ALOX15B: variants seen among roughly 807,000 people sequenced by gnomAD.
ALOX15B encodes the protein polyunsaturated fatty acid lipoxygenase ALOX15B.
Under a neutral mutation model 73.8 loss-of-function variants are expected in ALOX15B, and 74 were observed. The observed-to-expected ratio is 1.00, with a 90% CI of 0.83 to 1.22. The LOEUF (loss-of-function observed/expected upper bound fraction) is 1.22, where lower values mean the gene tolerates loss of function less well. Ranked by LOEUF, ALOX15B falls within the 50% of genes most tolerant of loss-of-function variation. ALOX15B has a pLI of 0.00. For synonymous variants in ALOX15B, 353 were observed against 357.2 expected, an observed-to-expected ratio of 0.99 and a Z score of 0.13; for missense variants, 896 against 859.9, an observed-to-expected ratio of 1.04 and a Z score of -0.52.
At chr17:8,039,758 G>A (rs974104385) in intron 2 of ALOX15B, 144 bp from the exon 3 acceptor site, 14 of 1,181,406 alleles carry the variant, frequency 1.2e-5, no homozygotes, top group African/African-American at 9.2e-5. Flanking sequence ...CTTGGGGAGC[G>A]GGAGGTAGCA....
At chr17:8,044,685 G>C (rs1476206879) in intron 5 of ALOX15B, 144 bp from the exon 6 acceptor site, 14 of 686,548 alleles carry the variant, frequency 2.0e-5, no homozygotes, top group Non-Finnish European at 2.4e-6. Flanking sequence ...TGAAGACAAG[G>C]GGCAGGGGAG....
chr17:8,048,157 A>G (rs1598167935), intron 13 of ALOX15B, among the ~76,000 whole-genome samples: 1 of 152,214 alleles, frequency 6.6e-6, no homozygotes, highest in East Asian at 1.9e-4. Context: ...GAAATTCCGA[A>G]TTGAGCTTTC....
chr17:8,042,578 C>T, intron 4 of ALOX15B, 87 bp downstream of exon 4: 1 of 1,542,586 alleles, frequency 6.5e-7, no homozygotes, highest in South Asian at 1.2e-5. Flanking sequence ...TTCCCCCACC[C>T]TCAGTGATAT....
chr17:8,045,426 A>C (rs748975748), intron 7 of ALOX15B, 42 bp downstream of exon 7: 138 of 1,613,630 alleles, frequency 8.6e-5, no homozygotes, highest in Non-Finnish European at 1.1e-4. Flanking sequence ...AAGAAGAGTC[A>C]GGAGAATGGT....
chr17:8,045,875 C>G (rs1187564044), intron 8 of ALOX15B, among the ~76,000 whole-genome samples, 189 bp downstream of exon 8: 2 of 152,148 alleles, frequency 1.3e-5, no homozygotes, highest in Non-Finnish European at 2.9e-5. Context: ...AAATGCAGCA[C>G]CCCAGAAAGG....
intron 3 of ALOX15B, among the ~76,000 whole-genome samples, chr17:8,040,662 G>A (rs4417599): frequency 0.054 from 6,770 of 124,976 alleles, 253 homozygotes; most frequent in East Asian, 0.17. Context: ...AAAAGAAAGA[G>A]AAAGAAACTG....
rs925540339 is a variant in ALOX15B, at chr17:8,045,603, C to T, written c.1117C>T (p.His373Tyr). The T allele has an allele frequency of 6.2e-7, 1 of 1,614,238 alleles. No homozygotes were observed. Among genetic ancestry groups the T allele is most frequent in the Non-Finnish European group, 8.5e-7 (1 of 1,180,034 alleles). The change falls in exon 8 of 14, where the codon CAC becomes TAC. Residue 373 changes from histidine (H) to tyrosine (Y), a missense_variant. His to Tyr is a moderately conservative substitution (Grantham distance 83, BLOSUM62 2). Transcript: ENST00000380183. The part of the protein sequence containing the change: ...AEFSFHEALT[H>Y]LLHSHLLPEV... The stretch of plus-strand genomic sequence containing the variant: ...GTTCTCCTTCCATGAGGCCCTCACG[C>T]ACCTGCTGCACTCACATCTGCTGCC...
chr17:8,041,771 C>G (rs977949463), intron 3 of ALOX15B, among the ~76,000 whole-genome samples: 7 of 152,314 alleles, frequency 4.6e-5, no homozygotes, highest in Admixed American at 2.0e-4. Flanking sequence ...GGGCGGCTCC[C>G]CCTAAACTAT....
rs1447037098 is a variant in ALOX15B at position 8,039,103 on chromosome 17, A to G, written c.-53A>G. 2.6e-6 allele frequency: 4 copies of G among 1,568,350 alleles called. No individual in the cohort carries two copies. The African/African-American group carries it at 4.2e-5, about 16-fold the overall frequency. On this transcript the variant is annotated 5_prime_UTR_variant, in exon 1 of 14. Transcript: ENST00000380183. ...AATAACCAGGCGTGTCCCAGGGGGGAGCCCCGCTCTGCAGCCCTGTGCGCC... is the reference window on the plus strand; with the variant it reads ...AATAACCAGGCGTGTCCCAGGGGGGGGCCCCGCTCTGCAGCCCTGTGCGCC...
At position 8,047,660 on chromosome 17, in the gene ALOX15B, G is replaced by C. The variant is rs764742143; in HGVS notation, c.1676G>C (p.Gly559Ala). Residue 559 changes from glycine to alanine, a missense_variant, in exon 12 of 14, where the codon GGG (glycine) becomes GCG (alanine). By Grantham distance (60) the Gly-to-Ala change is moderately conservative (BLOSUM62 0). Coordinates refer to ENST00000380183, the MANE Select transcript of ALOX15B (RefSeq NM_001141.3). ...GCCAAGCATGCGGCTGTCAGTGCAG[G>C]GCAGGTGAGGAAAGGCCAGCGCCCG... Reference protein sequence around the residue: ...CSAKHAAVSAGQFDSCAWMPN... With the variant: ...CSAKHAAVSAAQFDSCAWMPN... 1.4e-5 allele frequency: 23 copies of C among 1,612,388 alleles called. No individual in the cohort carries two copies. The highest frequency in any genetic ancestry group is 1.9e-5 in the Non-Finnish European group (22 of 1,179,242).
chr17:8,047,658 AG>A lies in ALOX15B; in HGVS notation c.1677del (p.Gln560SerfsTer32). The A allele has an allele frequency of 6.2e-7, 1 of 1,612,394 alleles. No homozygotes were observed. Among genetic ancestry groups the A allele is most frequent in the East Asian group, 2.2e-5 (1 of 44,848 alleles). On this transcript the variant is annotated frameshift_variant, in exon 12 of 14. Transcript: ENST00000380183. LOFTEE classifies it high-confidence loss of function. ...CSAKHAAVSA[G>X]QFDSCAWMPN... is the part of the protein sequence containing the mutation. ...CCGCCAAGCATGCGGCTGTCAGTGC[AG>A]GGCAGGTGAGGAAAGGCCAGCGCCC...
chr17:8,040,636 AAAG>A (rs1976430356), intron 3 of ALOX15B, among the ~76,000 whole-genome samples: 1 of 131,210 alleles, frequency 7.6e-6, no homozygotes, highest in Non-Finnish European at 1.8e-5. Flanking sequence ...AGAAAGAAAG[AAAG>A]AAAGAAAGAA....
chr17:8,048,302 G>A (rs1250758804), intron 13 of ALOX15B, 84 bp from the exon 14 acceptor site: 2 of 1,496,236 alleles, frequency 1.3e-6, no homozygotes, highest in Non-Finnish European at 1.8e-6. Context: ...AAGGCAAGTT[G>A]CAGCTGCTCA....
rs923126111 is a variant in ALOX15B at position 8,049,029 on chromosome 17, T to C, written c.*464T>C. 1 of 152,896 alleles carries C rather than the reference T, an allele frequency of 6.5e-6. No individual in the cohort carries two copies. Among genetic ancestry groups the C allele is most frequent in the Non-Finnish European group, 1.5e-5 (1 of 68,634 alleles). 9.5% of individuals were successfully genotyped at this position (152,896 alleles called of 1,614,324 possible). ...GGCTCATGCCCATAATCCCAGCACTTTGGGAGATGGAGGCGGGAAAATCAT... is the reference window on the plus strand; with the variant it reads ...GGCTCATGCCCATAATCCCAGCACTCTGGGAGATGGAGGCGGGAAAATCAT... On this transcript the variant is annotated 3_prime_UTR_variant, in exon 14 of 14. Transcript: ENST00000380183.
intron 13 of ALOX15B, 27 bp downstream of exon 13, chr17:8,047,942 G>A (rs1976658716): frequency 6.2e-7 from 1 of 1,610,406 alleles, no homozygotes; most frequent in Non-Finnish European, 8.5e-7. Context: ...GGGCCAGGCT[G>A]GGCCAAATTG....
rs765483323 is a variant in ALOX15B at position 8,047,250 on chromosome 17, C to G, written c.1458-8C>G. On this transcript the variant is annotated splice_region_variant and splice_polypyrimidine_tract_variant and intron_variant, in intron 10 of 13. Coordinates refer to ENST00000380183, the MANE Select transcript of ALOX15B (RefSeq NM_001141.3). ...TGGAGGCTGGACCTGAACCTGGATG[C>G]ATTGCAGCTTTGTCTCTGAAATCAT... 3.5e-5 allele frequency: 56 copies of G among 1,613,844 alleles called. No homozygotes were observed. Among genetic ancestry groups the G allele is most frequent in the Middle Eastern group, 1.6e-4 (1 of 6,084 alleles).
intron 11 of ALOX15B, 34 bp from the exon 12 acceptor site, chr17:8,047,530 T>G (rs1555639667): frequency 6.4e-7 from 1 of 1,572,498 alleles, no homozygotes; most frequent in South Asian, 1.1e-5. Flanking sequence ...CTCAGGTCCC[T>G]GGAAGCCCCA....
At chr17:8,048,266 C>T (rs569602697) in intron 13 of ALOX15B, 120 bp from the exon 14 acceptor site, 1 of 1,262,788 alleles carries the variant, frequency 7.9e-7, no homozygotes. Flanking sequence ...AGGTCCCACA[C>T]TTGGGGGCTA....
chr17:8,046,468 G>A (rs1976610194), intron 8 of ALOX15B, among the ~76,000 whole-genome samples, 200 bp from the exon 9 acceptor site: 1 of 152,206 alleles, frequency 6.6e-6, no homozygotes, highest in Non-Finnish European at 1.5e-5. Context: ...GGAGAGGAAG[G>A]AGCACGCCTG....
Sources: gnomAD v4.1 joint callset for allele counts (sites outside exome capture counted in the v4.1 genomes callset) on GRCh38, gnomAD v4.1.1 for gene constraint, MANE v1.5 for transcripts, NCBI Gene and HGNC (gene_info 2026-07-23, HGNC 2026-07-21) for gene names.